ZFHX3: variants seen among roughly 807,000 people sequenced by gnomAD.
ZFHX3 encodes the protein zinc finger homeobox 3.
In ZFHX3, 42 loss-of-function variants were observed where a neutral mutation model predicts 279.1. The observed-to-expected ratio is 0.15, with a 90% CI of 0.12 to 0.19. The LOEUF is 0.19. Among genes scored for constraint, ZFHX3 ranks in the 10% least tolerant of loss-of-function variants. The probability of loss-of-function intolerance (pLI) is 1.00; values close to 1 mark genes in which losing one functional copy is unlikely to be tolerated. For missense variants in ZFHX3, 4,981 were observed against 4,754.0 expected (o/e 1.05, Z -1.40); for synonymous variants, 2,293 against 1,957.8 (o/e 1.17, Z -4.52).
At chr16:73,118,711 G>C (rs1316887203) in intron 7 of ZFHX3, among the ~76,000 whole-genome samples, 1 of 152,168 alleles carries the variant, frequency 6.6e-6, no homozygotes, top group Non-Finnish European at 1.5e-5. Flanking sequence ...CAAGCCTCTG[G>C]GCTCTTGCAT....
chr16:73,857,671 G>T (rs191983519), intron 1 of ZFHX3, among the ~76,000 whole-genome samples: 1 of 152,310 alleles, frequency 6.6e-6, no homozygotes, highest in African/African-American at 2.4e-5. Flanking sequence ...ATAACATGCT[G>T]CACTTGCGCT....
intron 3 of ZFHX3, among the ~76,000 whole-genome samples, chr16:72,933,819 T>TTTTTTTTTTC (rs1217814906): frequency 2.1e-3 from 235 of 111,980 alleles, no homozygotes; most frequent in African/African-American, 8.6e-3. Flanking sequence ...CTTTCTTTTT[T>TTTTTTTTTTC]TTTTTTTTTT....
chr16:73,875,578 AAT>A (rs1055079864), intron 1 of ZFHX3, among the ~76,000 whole-genome samples: 19 of 152,254 alleles, frequency 1.2e-4, no homozygotes, highest in African/African-American at 4.3e-4. Context: ...TCCACTTCCA[AAT>A]ATGTGTTTGA....
chr16:73,035,932 T>C (rs1342584299), intron 1 of ZFHX3, among the ~76,000 whole-genome samples: 2 of 152,182 alleles, frequency 1.3e-5, no homozygotes, highest in Admixed American at 6.5e-5. Context: ...AGTCATTTAC[T>C]GTGGTTTAAT....
chr16:73,384,642 C>T (rs1207093237), intron 3 of ZFHX3, among the ~76,000 whole-genome samples: 5 of 152,220 alleles, frequency 3.3e-5, no homozygotes, highest in Admixed American at 1.3e-4. Context: ...TTTCTCACCT[C>T]ATAGGCCTCA....
chr16:72,895,382 G>A (rs547653358), intron 3 of ZFHX3, among the ~76,000 whole-genome samples: 121 of 152,306 alleles, frequency 7.9e-4, no homozygotes, highest in Non-Finnish European at 1.5e-3. Flanking sequence ...AGACCAACCA[G>A]TATCTTGAGG....
intron 5 of ZFHX3, among the ~76,000 whole-genome samples, chr16:73,254,353 A>G (rs141886689): frequency 3.3e-4 from 50 of 151,940 alleles, no homozygotes; most frequent in African/African-American, 1.1e-3. Context: ...ATTTCCTGCA[A>G]TACATCTCTT....
chr16:73,321,180 G>A (rs955114696), intron 3 of ZFHX3, among the ~76,000 whole-genome samples: 6 of 152,162 alleles, frequency 3.9e-5, no homozygotes, highest in African/African-American at 1.2e-4. Flanking sequence ...TGAGTCTTAC[G>A]TGATAGAACA....
At chr16:73,823,616 G>A (rs77861999) in intron 1 of ZFHX3, among the ~76,000 whole-genome samples, 12 of 152,294 alleles carry the variant, frequency 7.9e-5, no homozygotes, top group Admixed American at 2.6e-4. Context: ...ATACAGCCAC[G>A]CCCATTCATT....
intron 1 of ZFHX3, among the ~76,000 whole-genome samples, chr16:73,780,447 C>CTT (rs879667609): frequency 7.0e-6 from 1 of 142,264 alleles, no homozygotes; most frequent in Non-Finnish European, 1.5e-5. Context: ...CGTGCCTGAA[C>CTT]TTTTTTTTTT....
In ZFHX3 at chr16:73,126,769, T is replaced by C. The variant is rs796613722; in HGVS notation, c.-897+4199A>G. Reference sequence around the variant, plus strand: ...TGAGAAGACCAGGGATTGCAGGACATTGTGAGATTCTTTCTGGGGCAGCTG... The same window carrying C: ...TGAGAAGACCAGGGATTGCAGGACACTGTGAGATTCTTTCTGGGGCAGCTG... On this transcript the variant is annotated intron_variant, in intron 7 of 17. Coordinates refer to the ZFHX3 transcript ENST00000641206. 10 of 152,402 alleles carry C rather than the reference T, an allele frequency of 6.6e-5. 1 individual carries two copies. Among genetic ancestry groups the C allele is most frequent in the African/African-American group, 2.4e-4 (10 of 41,550 alleles). The allele number at this position is 152,402 out of a possible 1,614,324, so 9.4% of individuals were successfully genotyped here.
At chr16:72,970,533 G>T (rs12445932) in intron 1 of ZFHX3, among the ~76,000 whole-genome samples, 22,940 of 151,960 alleles carry the variant, frequency 0.15, 2,217 homozygotes, top group Non-Finnish European at 0.22. Context: ...ATCCCCTCCC[G>T]GATTTGCAGC....
At chr16:73,770,378 C>T (rs1009829671) in intron 1 of ZFHX3, among the ~76,000 whole-genome samples, 2 of 152,210 alleles carry the variant, frequency 1.3e-5, no homozygotes, top group Non-Finnish European at 2.9e-5. Flanking sequence ...TTTTCACCCA[C>T]GAAGACCCAT....
At chr16:73,588,077 A>C (rs1460474121) in intron 2 of ZFHX3, among the ~76,000 whole-genome samples, 1 of 150,264 alleles carries the variant, frequency 6.7e-6, no homozygotes, top group Non-Finnish European at 1.5e-5. Flanking sequence ...ATGCAGTTAA[A>C]CTAAAAATCA....
intron 4 of ZFHX3, among the ~76,000 whole-genome samples, chr16:72,868,865 G>A (rs2038086267): frequency 6.6e-6 from 1 of 152,196 alleles, no homozygotes; most frequent in African/African-American, 2.4e-5. Flanking sequence ...CCTTGGAGAT[G>A]AAAGCAGGAA....
rs3049673 is a variant in ZFHX3 at position 73,728,015 on chromosome 16, GCC to G, written c.-1607-47777_-1607-47776del. On this transcript the variant is annotated intron_variant, in intron 1 of 17. Transcript: ENST00000641206. ...TGGTCCCTTTTATGAGCCGAATTGT[GCC>G]CCCCCCCCGCCCCCAATAATTCATA... is the stretch of plus-strand genomic sequence containing the variant. 1.3e-4 allele frequency among the ~76,000 whole-genome samples: 10 copies of G among 75,426 alleles called. 1 individual carries two copies. Among genetic ancestry groups the G allele is most frequent in the African/African-American group, 4.6e-4 (10 of 21,916 alleles). The allele number at this position is 75,426 out of a possible 152,430, so 49.5% of individuals were successfully genotyped here. A position where few individuals can be genotyped will look rare whatever the true frequency, so the allele number is the denominator to read the frequency against.
At chr16:72,989,217 G>T (rs1395841063) in intron 1 of ZFHX3, among the ~76,000 whole-genome samples, 1 of 151,868 alleles carries the variant, frequency 6.6e-6, no homozygotes, top group Admixed American at 6.6e-5. Context: ...AGGTGCGGCT[G>T]TTCATGACTA....
In ZFHX3 at chr16:72,783,589, A is replaced by T. The variant is rs78558025; in HGVS notation, c.*3575T>A. The T allele has an allele frequency of 8.7e-5, 13 of 149,828 alleles. No homozygotes were observed. The highest frequency in any genetic ancestry group is 2.1e-4 in the South Asian group (1 of 4,764). The allele number at this position is 149,828 out of a possible 1,614,324, so 9.3% of individuals were successfully genotyped here. A position where few individuals can be genotyped will look rare whatever the true frequency, so the allele number is the denominator to read the frequency against. ...TCATCTCTTTAAATAGCTTGTAATTAAAAAAAAAATTCCTAGATGTATTAA... is the reference window on the plus strand; with the variant it reads ...TCATCTCTTTAAATAGCTTGTAATTTAAAAAAAAATTCCTAGATGTATTAA... On this transcript the variant is annotated 3_prime_UTR_variant, in exon 10 of 10. Transcript: ENST00000268489.
At chr16:73,380,735 GACTCAC>G (rs1300238541) in intron 3 of ZFHX3, among the ~76,000 whole-genome samples, 1 of 152,212 alleles carries the variant, frequency 6.6e-6, no homozygotes, top group Non-Finnish European at 1.5e-5. Flanking sequence ...CAGGTGCAGG[GACTCAC>G]ACCTGTAATC....
Sources: allele counts gnomAD v4.1 joint callset (sites outside exome capture counted in the v4.1 genomes callset), GRCh38; gene constraint gnomAD v4.1.1; transcripts MANE v1.5; gene names NCBI Gene and HGNC (gene_info 2026-07-23, HGNC 2026-07-21).